The following NXPH1 variants were observed in gnomAD, a reference collection of about 807,000 sequenced individuals.
The protein encoded by NXPH1 is neurexophilin-1.
Under a neutral mutation model 23.7 loss-of-function variants are expected in NXPH1, and 5 were observed. The ratio of observed to expected loss-of-function variants is 0.21; its 90% CI spans 0.11 to 0.44. NXPH1 has a LOEUF of 0.44. Ranked by LOEUF, NXPH1 falls within the 20% of genes least tolerant of loss-of-function variation. NXPH1 has a pLI of 0.99. For synonymous variants in NXPH1, 144 were observed against 122.2 expected (o/e 1.18, Z -1.18); for missense variants, 324 against 321.6 (o/e 1.01, Z -0.06).
intron 2 of NXPH1, among the ~76,000 whole-genome samples, chr7:8,437,308 T>C (rs1233860799): frequency 1.4e-5 from 2 of 144,674 alleles, no homozygotes; most frequent in Non-Finnish European, 3.0e-5. Flanking sequence ...TGAGAGACCA[T>C]GGATGGAGGG....
intron 2 of NXPH1, among the ~76,000 whole-genome samples, chr7:8,469,737 A>G (rs1462340110): frequency 2.0e-5 from 3 of 152,136 alleles, no homozygotes; most frequent in Admixed American, 1.3e-4. Flanking sequence ...TATTACTATT[A>G]TTGCTAACTA....
chr7:8,745,091 G>A (rs1163961342), intron 2 of NXPH1, among the ~76,000 whole-genome samples: 4 of 152,156 alleles, frequency 2.6e-5, no homozygotes, highest in African/African-American at 9.7e-5. Flanking sequence ...GCACCTTTAC[G>A]ATTTGGCCGT....
intron 2 of NXPH1, among the ~76,000 whole-genome samples, chr7:8,452,911 G>T (rs1466019316): frequency 6.6e-6 from 1 of 152,090 alleles, no homozygotes; most frequent in Non-Finnish European, 1.5e-5. Flanking sequence ...CATCAATGCA[G>T]ATTGCTACTT....
At chr7:8,726,040 G>A (rs554050186) in intron 2 of NXPH1, among the ~76,000 whole-genome samples, 1 of 152,102 alleles carries the variant, frequency 6.6e-6, no homozygotes, top group Non-Finnish European at 1.5e-5. Context: ...ATCAGAGTGT[G>A]TTAATTTAGG....
chr7:8,610,242 T>G (rs1208506317), intron 2 of NXPH1, among the ~76,000 whole-genome samples: 1 of 152,136 alleles, frequency 6.6e-6, no homozygotes, highest in Non-Finnish European at 1.5e-5. Context: ...TTCTGTGAAT[T>G]AATGCATAGG....
At chr7:8,668,423 T>C (rs1435311896) in intron 2 of NXPH1, among the ~76,000 whole-genome samples, 1 of 152,206 alleles carries the variant, frequency 6.6e-6, no homozygotes, top group Non-Finnish European at 1.5e-5. Context: ...AGTTTACAGG[T>C]GAGCTTGCTA....
chr7:8,590,416 A>G (rs933266113), intron 2 of NXPH1, among the ~76,000 whole-genome samples: 1 of 152,062 alleles, frequency 6.6e-6, no homozygotes, highest in Non-Finnish European at 1.5e-5. Context: ...AGCTCTTTTT[A>G]GATGTTGCTT....
chr7:8,561,383 C>CACACACACACACACA (rs1554256950), intron 2 of NXPH1, among the ~76,000 whole-genome samples: 18 of 147,222 alleles, frequency 1.2e-4, no homozygotes, highest in African/African-American at 3.3e-4. Flanking sequence ...CACACACACA[C>CACACACACACACACA]CTCTCTCTCT....
chr7:8,708,394 C>G (rs930412789), intron 2 of NXPH1, among the ~76,000 whole-genome samples: 1 of 151,824 alleles, frequency 6.6e-6, no homozygotes, highest in African/African-American at 2.4e-5. Flanking sequence ...GAGTTTTGCT[C>G]TTGTTGCTCA....
chr7:8,576,386 C>T (rs978011037), intron 2 of NXPH1, among the ~76,000 whole-genome samples: 9 of 151,990 alleles, frequency 5.9e-5, no homozygotes, highest in Admixed American at 1.3e-4. Context: ...GTGACAGCTG[C>T]GATAAGTGGT....
Position 8,668,758 on chromosome 7 carries a change from A to G in NXPH1, c.55-82250A>G, listed in dbSNP as rs553183132. ...TGGCTTGGTGCTGCAGCAGGCCTGA[A>G]GCTTGTGTTCATGGGGGCAAGTATG... is the stretch of plus-strand genomic sequence containing the variant. On this transcript the variant is annotated intron_variant, in intron 2 of 2. Coordinates refer to ENST00000405863, the MANE Select transcript of NXPH1 (RefSeq NM_152745.3). Among the ~76,000 whole-genome samples the G allele has an allele frequency of 1.5e-4, 23 of 152,074 alleles. No homozygotes were observed. The South Asian group carries it at 4.6e-3, about 30-fold the overall frequency.
At chr7:8,732,338 G>C (rs188321755) in intron 2 of NXPH1, among the ~76,000 whole-genome samples, 54 of 152,370 alleles carry the variant, frequency 3.5e-4, no homozygotes, top group Admixed American at 3.0e-3. Flanking sequence ...GACTGGAGCT[G>C]TTCCCATTCG....
chr7:8,527,908 T>G lies in NXPH1; in HGVS notation c.54+92141T>G, dbSNP rs1178236027. Among the ~76,000 whole-genome samples the G allele has an allele frequency of 3.3e-5, 5 of 152,244 alleles. No individual in the cohort carries two copies. In the East Asian group the frequency reaches 9.6e-4, roughly 29 times the overall value. On this transcript the variant is annotated intron_variant, in intron 2 of 2. Coordinates refer to ENST00000405863, the MANE Select transcript of NXPH1 (RefSeq NM_152745.3). ...ATTGATCAGATAGATTTTAATCCAC[T>G]GTCAATGACCCGTGACATGCTATCT...
intron 2 of NXPH1, among the ~76,000 whole-genome samples, chr7:8,694,910 T>C (rs1821281386): frequency 6.6e-6 from 1 of 152,156 alleles, no homozygotes; most frequent in South Asian, 2.1e-4. Context: ...AGGGCAGGAT[T>C]TGGGATTCTG....
At chr7:8,467,601 G>T (rs977004369) in intron 2 of NXPH1, among the ~76,000 whole-genome samples, 11 of 152,122 alleles carry the variant, frequency 7.2e-5, no homozygotes, top group African/African-American at 2.7e-4. Flanking sequence ...GTGGGGGCTA[G>T]CACATACCTT....
intron 2 of NXPH1, among the ~76,000 whole-genome samples, chr7:8,665,915 T>G (rs1329341743): frequency 0.035 from 757 of 21,742 alleles, 11 homozygotes; most frequent in East Asian, 0.23. Flanking sequence ...TTTTTTTCTT[T>G]TTCTTTTTTT....
chr7:8,623,208 G>T (rs547513143), intron 2 of NXPH1, among the ~76,000 whole-genome samples: 7 of 152,276 alleles, frequency 4.6e-5, no homozygotes, highest in African/African-American at 1.7e-4. Flanking sequence ...TGCAGGTGCA[G>T]AGGAGTGGAG....
At chr7:8,749,044 G>A (rs1200279866) in intron 2 of NXPH1, among the ~76,000 whole-genome samples, 2 of 152,186 alleles carry the variant, frequency 1.3e-5, no homozygotes, top group Non-Finnish European at 2.9e-5. Flanking sequence ...CCCTGGGGGA[G>A]CCCATTTTTT....
At chr7:8,699,587 A>G (rs1459613321) in intron 2 of NXPH1, among the ~76,000 whole-genome samples, 1 of 152,140 alleles carries the variant, frequency 6.6e-6, no homozygotes, top group African/African-American at 2.4e-5. Context: ...TTGAACGTTA[A>G]AAGAATTTGC....
Sources: allele counts gnomAD v4.1 joint callset (sites outside exome capture counted in the v4.1 genomes callset), GRCh38; gene constraint gnomAD v4.1.1; transcripts MANE v1.5; gene names NCBI Gene and HGNC (gene_info 2026-07-23, HGNC 2026-07-21).